NKAIN3: variants seen among roughly 807,000 people sequenced by gnomAD.
NKAIN3 encodes the protein sodium/potassium-transporting ATPase subunit beta-1-interacting protein 3.
In NKAIN3, 25 loss-of-function variants were observed where a neutral mutation model predicts 30.2. That is an observed-to-expected ratio of 0.83 (90% CI 0.60 to 1.16). The LOEUF is 1.16. Among genes scored for constraint, NKAIN3 ranks in the 50% most tolerant of loss-of-function variants. The pLI, the probability that NKAIN3 is intolerant of heterozygous loss-of-function variation, is 0.00. For missense variants in NKAIN3, 225 were observed against 254.1 expected (o/e 0.89, Z 0.78); for synonymous variants, 91 against 89.6 (o/e 1.02, Z -0.09).
chr8:62,286,101 G>C (rs1446657324), intron 1 of NKAIN3, among the ~76,000 whole-genome samples: 1 of 152,122 alleles, frequency 6.6e-6, no homozygotes, highest in African/African-American at 2.4e-5. Context: ...CTTTAAAATA[G>C]AGTAAAGATG....
rs554760312 is a variant in NKAIN3, at chr8:62,622,845, C to T, written c.273+33051C>T. Among the ~76,000 whole-genome samples, 56 of 152,000 alleles carry T rather than the reference C, an allele frequency of 3.7e-4. No homozygotes were observed. In the Middle Eastern group the frequency reaches 0.01, roughly 28 times the overall value. On this transcript the variant is annotated intron_variant, in intron 3 of 6. Transcript: ENST00000623646. ...GTCAAGTCTAAGAACTCTTTGCTAG[C>T]TCTAAATCCTGAAGATTTTCTCCTA...
intron 1 of NKAIN3, among the ~76,000 whole-genome samples, chr8:62,258,091 T>C (rs554031654): frequency 6.6e-6 from 1 of 152,298 alleles, no homozygotes; most frequent in South Asian, 2.1e-4. Flanking sequence ...TGTAGCAATG[T>C]ATGTTTTCAG....
At chr8:62,464,358 T>A (rs541103068) in intron 1 of NKAIN3, among the ~76,000 whole-genome samples, 33 of 152,324 alleles carry the variant, frequency 2.2e-4, no homozygotes, top group African/African-American at 7.7e-4. Context: ...GCGTATTTCA[T>A]CAAATAATTA....
chr8:62,861,393 G>A (rs547491890), intron 4 of NKAIN3, among the ~76,000 whole-genome samples: 2 of 152,230 alleles, frequency 1.3e-5, no homozygotes, highest in East Asian at 1.9e-4. Flanking sequence ...TGTCACCAGG[G>A]ATATATGTTC....
intron 2 of NKAIN3, among the ~76,000 whole-genome samples, chr8:62,583,326 T>A (rs1810363312): frequency 6.6e-6 from 1 of 152,108 alleles, no homozygotes; most frequent in Admixed American, 6.5e-5. Flanking sequence ...TTCAGAATCT[T>A]CAAAGAAAAG....
chr8:62,481,186 G>A (rs1002898258), intron 1 of NKAIN3, among the ~76,000 whole-genome samples: 12 of 152,124 alleles, frequency 7.9e-5, no homozygotes, highest in Non-Finnish European at 1.8e-4. Flanking sequence ...GAGGAGGTTA[G>A]TAAGTGTTCA....
chr8:62,593,621 TAA>T lies in NKAIN3; in HGVS notation c.273+3830_273+3831del, dbSNP rs374941171. On this transcript the variant is annotated intron_variant, in intron 3 of 6. Coordinates refer to ENST00000623646, the MANE Select transcript of NKAIN3 (RefSeq NM_001304533.3). ...ACATAACTACAGATTCAACAGAAAT[TAA>T]AAGATTAATAGAAAAAAATTAAACA... Among the ~76,000 whole-genome samples, 101 of 151,942 alleles carry T rather than the reference TAA, an allele frequency of 6.6e-4. No homozygotes were observed. The East Asian group carries it at 0.018, about 27-fold the overall frequency.
At chr8:62,964,617 G>A (rs1823655003) in intron 6 of NKAIN3, among the ~76,000 whole-genome samples, 1 of 150,906 alleles carries the variant, frequency 6.6e-6, no homozygotes, top group Non-Finnish European at 1.5e-5. Context: ...CTGGCAGACT[G>A]GAGACCCAAG....
intron 3 of NKAIN3, among the ~76,000 whole-genome samples, chr8:62,661,637 G>C (rs764894921): frequency 6.6e-6 from 1 of 152,048 alleles, no homozygotes; most frequent in Non-Finnish European, 1.5e-5. Flanking sequence ...CCACTTGGTT[G>C]CTGGCTATAA....
intron 1 of NKAIN3, among the ~76,000 whole-genome samples, chr8:62,327,734 T>G (rs1315420814): frequency 2.0e-5 from 3 of 152,078 alleles, no homozygotes; most frequent in African/African-American, 7.2e-5. Context: ...TCCTCTAGCT[T>G]TGTTCTTTTT....
intron 4 of NKAIN3, among the ~76,000 whole-genome samples, chr8:62,815,378 G>T (rs554995142): frequency 6.6e-6 from 1 of 152,250 alleles, no homozygotes; most frequent in East Asian, 1.9e-4. Context: ...TATGAGGCCA[G>T]CATCATCCTG....
intron 1 of NKAIN3, among the ~76,000 whole-genome samples, chr8:62,396,996 T>C (rs1257485879): frequency 6.6e-6 from 1 of 152,212 alleles, no homozygotes; most frequent in Non-Finnish European, 1.5e-5. Flanking sequence ...ACGACAGATG[T>C]AAACTAAATA....
intron 4 of NKAIN3, chr8:62,863,095 G>A (rs1820304359): frequency 8.2e-7 from 1 of 1,217,062 alleles, no homozygotes; most frequent in Admixed American, 1.8e-5. Flanking sequence ...GTTAAGAAAA[G>A]GGTATTCCCC....
intron 1 of NKAIN3, among the ~76,000 whole-genome samples, chr8:62,327,049 T>G (rs1815166014): frequency 6.6e-6 from 1 of 152,078 alleles, no homozygotes; most frequent in African/African-American, 2.4e-5. Flanking sequence ...GGTTTTGATT[T>G]GCATTTTCCT....
chr8:62,377,226 CTCTT>C (rs1277647979), intron 1 of NKAIN3, among the ~76,000 whole-genome samples: 7 of 152,134 alleles, frequency 4.6e-5, no homozygotes, highest in Middle Eastern at 3.4e-3. Flanking sequence ...AAATTCTTCC[CTCTT>C]TGTTTCTTTG....
At chr8:62,741,121 T>G (rs1404526296) in intron 3 of NKAIN3, among the ~76,000 whole-genome samples, 2 of 152,096 alleles carry the variant, frequency 1.3e-5, no homozygotes, top group Non-Finnish European at 2.9e-5. Flanking sequence ...AATTGCATTT[T>G]GTAAGGTTGT....
intron 1 of NKAIN3, among the ~76,000 whole-genome samples, chr8:62,355,332 AG>A (rs1174377070): frequency 6.6e-6 from 1 of 152,210 alleles, no homozygotes; most frequent in Non-Finnish European, 1.5e-5. Flanking sequence ...AGATTCATGA[AG>A]TCAAGACAGT....
At chr8:62,757,873 A>G (rs796774173) in intron 4 of NKAIN3, among the ~76,000 whole-genome samples, 8 of 152,350 alleles carry the variant, frequency 5.3e-5, no homozygotes, top group African/African-American at 1.9e-4. Context: ...GGGCCTTTGC[A>G]GTAAGTCAAA....
intron 3 of NKAIN3, among the ~76,000 whole-genome samples, chr8:62,602,504 C>T (rs1811010100): frequency 6.6e-6 from 1 of 152,074 alleles, no homozygotes. Context: ...TCTTCTGCCC[C>T]AAACCCTCTT....
Sources: allele counts gnomAD v4.1 joint callset (sites outside exome capture counted in the v4.1 genomes callset), GRCh38; gene constraint gnomAD v4.1.1; transcripts MANE v1.5; gene names NCBI Gene and HGNC (gene_info 2026-07-23, HGNC 2026-07-21).